DTL: variants seen among roughly 807,000 people sequenced by gnomAD.
DTL encodes the protein denticleless E3 ubiquitin protein ligase adapter.
Under a neutral mutation model 87.0 loss-of-function variants are expected in DTL, and 46 were observed. The ratio of observed to expected loss-of-function variants is 0.53; its 90% CI spans 0.42 to 0.68. The LOEUF is 0.68. Ranked by LOEUF, DTL falls within the 30% of genes least tolerant of loss-of-function variation. The pLI is 0.00. For missense variants in DTL, 737 were observed against 869.4 expected, an observed-to-expected ratio of 0.85 and a Z score of 1.91; for synonymous variants, 308 against 311.2, an observed-to-expected ratio of 0.99 and a Z score of 0.11.
chr1:212,096,141 C>G (rs1655438447), intron 13 of DTL, among the ~76,000 whole-genome samples: 1 of 152,040 alleles, frequency 6.6e-6, no homozygotes, highest in African/African-American at 2.4e-5. Context: ...TCTAGGTTTT[C>G]TAGTTTGTGA....
chr1:212,040,165 AG>A (rs1211947202), intron 1 of DTL, among the ~76,000 whole-genome samples: 1 of 152,118 alleles, frequency 6.6e-6, no homozygotes, highest in Non-Finnish European at 1.5e-5. Flanking sequence ...TTATTCTATA[AG>A]TTTTTTTATT....
At position 212,080,740 on chromosome 1, in the gene DTL, A is replaced by G. The variant is rs1450029730; in HGVS notation, c.1251A>G (p.Arg417=). 3 of 1,613,368 alleles carry G rather than the reference A, an allele frequency of 1.9e-6. No homozygotes were observed. Among genetic ancestry groups the G allele is most frequent in the Non-Finnish European group, 2.5e-6 (3 of 1,179,556 alleles). Residue 417 remains arginine (R), a synonymous_variant, in exon 13 of 15, where the codon AGA becomes AGG. Coordinates refer to ENST00000366991, the MANE Select transcript of DTL (RefSeq NM_016448.4). The stretch of plus-strand genomic sequence containing the variant: ...CCTCTCAGAAGAAAAAAGAGTCAAG[A>G]CCTGGCCTAGGTAAGGATATCATAT... ...GWASQKKKES[R]PGLVTVTSSQ...
At chr1:212,086,164 G>A (rs1655123484) in intron 13 of DTL, among the ~76,000 whole-genome samples, 2 of 152,184 alleles carry the variant, frequency 1.3e-5, no homozygotes, top group African/African-American at 4.8e-5. Flanking sequence ...CTAGGATTTT[G>A]ATAGGAATTG....
intron 11 of DTL, among the ~76,000 whole-genome samples, chr1:212,077,080 C>G (rs1174817225): frequency 6.6e-6 from 1 of 152,134 alleles, no homozygotes; most frequent in African/African-American, 2.4e-5. Context: ...CTTAGTCATT[C>G]TCACAAATAA....
Position 212,068,277 on chromosome 1 carries a change from C to G in DTL, c.767C>G (p.Pro256Arg). 6.2e-7 allele frequency: 1 copy of G among 1,612,170 alleles called. No homozygotes were observed. Among genetic ancestry groups the G allele is most frequent in the East Asian group, 2.2e-5 (1 of 44,804 alleles). ...AATTATACTGCTTATCGACAAGAAC[C>G]CATAGCATCCAAGTCTTTCCTGTAC... ...RKNYTAYRQE[P>R]IASKSFLYPG... Residue 256 changes from proline to arginine, a missense_variant, in exon 9 of 15, where the codon CCC becomes CGC. Coordinates refer to ENST00000366991, the MANE Select transcript of DTL (RefSeq NM_016448.4).
chr1:212,086,127 G>A (rs1233153062), intron 13 of DTL, among the ~76,000 whole-genome samples: 1 of 152,086 alleles, frequency 6.6e-6, no homozygotes, highest in Admixed American at 6.5e-5. Context: ...TTTAGTTTCA[G>A]CTTGTCATTG....
chr1:212,102,904 G>A lies in DTL; in HGVS notation c.2157G>A (p.Glu719=). 3 of 1,611,544 alleles carry A rather than the reference G, an allele frequency of 1.9e-6. No individual in the cohort carries two copies. Among genetic ancestry groups the A allele is most frequent in the Non-Finnish European group, 2.5e-6 (3 of 1,177,968 alleles). ...CATACTTCCATAGAAAGTCCCAGGA[G>A]GACTTCTGTGGTCCTGAACACTCAA... ...ICTYFHRKSQ[E]DFCGPEHSTE... The change falls in exon 15 of 15, where the codon GAG becomes GAA. Residue 719 remains glutamate (E), a synonymous_variant. Coordinates refer to ENST00000366991, the MANE Select transcript of DTL (RefSeq NM_016448.4).
At chr1:212,101,149 C>T in intron 14 of DTL, 65 bp downstream of exon 14, 1 of 984,128 alleles carries the variant, frequency 1.0e-6, no homozygotes, top group South Asian at 1.9e-5. Flanking sequence ...CCAGATGTCT[C>T]AAGTCAGGAT....
chr1:212,047,045 A>G, intron 3 of DTL, 106 bp from the exon 4 acceptor site: 1 of 945,356 alleles, frequency 1.1e-6, no homozygotes, highest in Non-Finnish European at 1.7e-6. Context: ...ATGATCAACT[A>G]CTGATCTTTT....
chr1:212,044,148 G>A (rs1376737734), intron 2 of DTL, among the ~76,000 whole-genome samples: 1 of 152,060 alleles, frequency 6.6e-6, no homozygotes, highest in Non-Finnish European at 1.5e-5. Flanking sequence ...ATAAAAATAT[G>A]GTTAAAAAAA....
intron 10 of DTL, among the ~76,000 whole-genome samples, chr1:212,071,541 A>G (rs960290504): frequency 6.6e-6 from 1 of 152,196 alleles, no homozygotes; most frequent in Non-Finnish European, 1.5e-5. Context: ...CACATCCCAC[A>G]TAAGCTATTA....
chr1:212,048,964 C>G (rs1667885385), intron 5 of DTL, among the ~76,000 whole-genome samples: 1 of 151,938 alleles, frequency 6.6e-6, no homozygotes, highest in African/African-American at 2.4e-5. Flanking sequence ...ACTCTGTTGC[C>G]CAGGCTGGAA....
intron 13 of DTL, among the ~76,000 whole-genome samples, chr1:212,095,918 CT>C (rs1655432733): frequency 6.6e-6 from 1 of 152,046 alleles, no homozygotes; most frequent in Admixed American, 6.6e-5. Flanking sequence ...CCCTCTTTCT[CT>C]TTTGGAATGG....
intron 13 of DTL, among the ~76,000 whole-genome samples, chr1:212,085,633 T>A (rs537233801): frequency 6.6e-6 from 1 of 152,242 alleles, no homozygotes; most frequent in African/African-American, 2.4e-5. Flanking sequence ...ACATGTAACT[T>A]TATAATTTTG....
chr1:212,072,151 C>G lies in DTL; in HGVS notation c.973C>G (p.Leu325Val), dbSNP rs1558082585. 1.9e-6 allele frequency: 3 copies of G among 1,614,086 alleles called. No individual in the cohort carries two copies. The highest frequency in any genetic ancestry group is 1.3e-5 in the African/African-American group (1 of 75,052). ...CTCTACCTTTTATGTAAAATCCAGC[C>G]TTAGTCCAGATGACCAGTTTTTAGT... Reference protein sequence around the residue: ...QNSTFYVKSSLSPDDQFLVSG... With the variant: ...QNSTFYVKSSVSPDDQFLVSG... Residue 325 changes from leucine to valine, a missense_variant, in exon 11 of 15, where the codon CTT (leucine) becomes GTT (valine). Transcript: ENST00000366991.
At chr1:212,072,279 AAT>A in intron 11 of DTL, 66 bp downstream of exon 11, 1 of 1,245,386 alleles carries the variant, frequency 8.0e-7, no homozygotes, top group Non-Finnish European at 1.2e-6. Context: ...TGTTCTGTCC[AAT>A]ATGAGATAAG....
intron 1 of DTL, among the ~76,000 whole-genome samples, chr1:212,038,332 T>C (rs1667546853): frequency 1.3e-5 from 2 of 152,242 alleles, no homozygotes; most frequent in Non-Finnish European, 2.9e-5. Context: ...CTATAAAAGC[T>C]GTGTGGGTTG....
At chr1:212,063,052 T>C in intron 6 of DTL, 103 bp downstream of exon 6, 3 of 845,718 alleles carry the variant, frequency 3.5e-6, no homozygotes, top group Non-Finnish European at 5.9e-6. Context: ...AGGGGGCATG[T>C]ACTCATAATT....
At chr1:212,082,415 G>GT (rs947314392) in intron 13 of DTL, among the ~76,000 whole-genome samples, 24 of 152,236 alleles carry the variant, frequency 1.6e-4, no homozygotes, top group Admixed American at 1.5e-3. Context: ...GTTTGCTGGG[G>GT]TTTTTTTAAA....
Sources: allele counts gnomAD v4.1 joint callset (sites outside exome capture counted in the v4.1 genomes callset), GRCh38; gene constraint gnomAD v4.1.1; transcripts MANE v1.5; gene names NCBI Gene and HGNC (gene_info 2026-07-23, HGNC 2026-07-21).